The following KCMF1 variants were observed in gnomAD, a reference collection of about 807,000 sequenced individuals.
The protein encoded by KCMF1 is E3 ubiquitin-protein ligase KCMF1.
A neutral mutation model predicts 41.1 loss-of-function variants in KCMF1; 3 were observed. The ratio of observed to expected loss-of-function variants is 0.07; its 90% CI spans 0.03 to 0.19. The LOEUF is 0.19. Among genes scored for constraint, KCMF1 ranks in the 10% least tolerant of loss-of-function variants. The pLI is 1.00. For missense variants in KCMF1, 286 were observed against 488.9 expected, an observed-to-expected ratio of 0.58 and a Z score of 3.91; for synonymous variants, 142 against 164.5, an observed-to-expected ratio of 0.86 and a Z score of 1.04.
chr2:84,984,621 G>T (rs1673852580), intron 1 of KCMF1, among the ~76,000 whole-genome samples: 1 of 152,020 alleles, frequency 6.6e-6, no homozygotes, highest in Non-Finnish European at 1.5e-5. Context: ...AGGAGTTCGA[G>T]ACCAGCCTGA....
intron 1 of KCMF1, among the ~76,000 whole-genome samples, chr2:84,995,225 T>C (rs1257575264): frequency 6.6e-6 from 1 of 152,054 alleles, no homozygotes; most frequent in Non-Finnish European, 1.5e-5. Context: ...TTTCACCATG[T>C]TGGTCAGGCT....
intron 1 of KCMF1, among the ~76,000 whole-genome samples, chr2:85,023,136 C>T (rs1170715933): frequency 2.6e-5 from 4 of 151,852 alleles, no homozygotes; most frequent in Non-Finnish European, 4.4e-5. Context: ...AGCCGCCCGC[C>T]TCGGCCTCCC....
At chr2:84,980,225 T>A (rs1459391483) in intron 1 of KCMF1, among the ~76,000 whole-genome samples, 1 of 152,098 alleles carries the variant, frequency 6.6e-6, no homozygotes, top group Non-Finnish European at 1.5e-5. Flanking sequence ...CTAGATTACA[T>A]GAGAAGGAAG....
rs1675881053 is a variant in KCMF1, at chr2:85,054,367, C to A, written c.*958C>A. On this transcript the variant is annotated 3_prime_UTR_variant, in exon 7 of 7. Coordinates refer to ENST00000409785, the MANE Select transcript of KCMF1 (RefSeq NM_020122.5). ...ATTTATGTATTTGCTTTGTAGTTTG[C>A]TGAGACAGATCAGTATCAGGGGAGC... 6.6e-6 allele frequency: 1 copy of A among 152,094 alleles called. No homozygotes were observed. Among genetic ancestry groups the A allele is most frequent in the Admixed American group, 6.6e-5 (1 of 15,264 alleles). 9.4% of individuals were successfully genotyped at this position (152,094 alleles called of 1,614,324 possible).
At chr2:85,053,090 C>T (rs1253676003) in intron 6 of KCMF1, 58 bp from the exon 7 acceptor site, 5 of 1,479,526 alleles carry the variant, frequency 3.4e-6, no homozygotes, top group African/African-American at 2.8e-5. Context: ...TAGAAATTGG[C>T]CATGCCATTG....
intron 3 of KCMF1, among the ~76,000 whole-genome samples, chr2:85,043,097 C>T (rs995703415): frequency 2.0e-4 from 31 of 152,186 alleles, no homozygotes; most frequent in African/African-American, 7.5e-4. Context: ...GTCTTACATT[C>T]AACATGTCTG....
chr2:85,005,078 T>A (rs1558571946), intron 1 of KCMF1, among the ~76,000 whole-genome samples: 1 of 152,106 alleles, frequency 6.6e-6, no homozygotes, highest in Non-Finnish European at 1.5e-5. Context: ...AGCTAATTTC[T>A]GTATTTTTAG....
intron 3 of KCMF1, 130 bp downstream of exon 3, chr2:85,035,285 TC>T: frequency 1.1e-6 from 1 of 879,664 alleles, no homozygotes; most frequent in Non-Finnish European, 1.6e-6. Flanking sequence ...GTTATTAAAA[TC>T]ATCTTTTAAC....
intron 1 of KCMF1, among the ~76,000 whole-genome samples, chr2:84,985,876 T>C (rs769406345): frequency 6.6e-6 from 1 of 151,924 alleles, no homozygotes; most frequent in African/African-American, 2.4e-5. Context: ...CTACATACAT[T>C]AGCAGCTCTC....
chr2:85,049,117 G>T (rs1248300683), intron 5 of KCMF1, among the ~76,000 whole-genome samples: 1 of 152,152 alleles, frequency 6.6e-6, no homozygotes, highest in African/African-American at 2.4e-5. Flanking sequence ...TAATTTTAAA[G>T]ACAATTTAAG....
chr2:85,026,322 A>T (rs1037946689), intron 1 of KCMF1, among the ~76,000 whole-genome samples: 3 of 151,560 alleles, frequency 2.0e-5, no homozygotes, highest in African/African-American at 7.3e-5. Context: ...AAACAAATAC[A>T]AATGAGATCT....
intron 1 of KCMF1, among the ~76,000 whole-genome samples, chr2:85,022,233 A>G (rs1466210925): frequency 6.6e-6 from 1 of 152,032 alleles, no homozygotes; most frequent in Non-Finnish European, 1.5e-5. Flanking sequence ...GTGCTTTGGG[A>G]GGCTGACACA....
At position 85,014,322 on chromosome 2, in the gene KCMF1, G is replaced by T. The variant is rs74709836; in HGVS notation, c.17-13567G>T. 1.1e-4 allele frequency among the ~76,000 whole-genome samples: 17 copies of T among 152,244 alleles called. 1 individual carries two copies. In the East Asian group the frequency reaches 2.7e-3, roughly 24 times the overall value. On this transcript the variant is annotated intron_variant, in intron 1 of 6. Coordinates refer to ENST00000409785, the MANE Select transcript of KCMF1 (RefSeq NM_020122.5). ...ATATCTCCGTATCATAATAAATAAA[G>T]TTCTGAAGGCATCTACTTCTGGGGA...
intron 1 of KCMF1, among the ~76,000 whole-genome samples, chr2:84,999,856 G>A (rs570082370): frequency 6.6e-6 from 1 of 152,100 alleles, no homozygotes; most frequent in Non-Finnish European, 1.5e-5. Context: ...TAGAGGCCCT[G>A]ACAGGAGACA....
At chr2:85,046,815 T>C (rs942152371) in intron 5 of KCMF1, among the ~76,000 whole-genome samples, 3 of 152,238 alleles carry the variant, frequency 2.0e-5, no homozygotes, top group African/African-American at 7.2e-5. Context: ...CCCCCCGTCA[T>C]GTGGTTTTGC....
intron 1 of KCMF1, among the ~76,000 whole-genome samples, chr2:84,980,892 C>T (rs903419968): frequency 3.9e-5 from 6 of 152,078 alleles, no homozygotes; most frequent in Non-Finnish European, 7.3e-5. Context: ...CCTCTTGCCT[C>T]GGCCTCACAA....
intron 4 of KCMF1, 111 bp downstream of exon 4, chr2:85,043,776 C>A: frequency 1.3e-6 from 1 of 749,340 alleles, no homozygotes; most frequent in Middle Eastern, 2.5e-4. Flanking sequence ...TCTCAAACTC[C>A]TGAGCTCAAG....
At chr2:85,013,223 G>C (rs1034977978) in intron 1 of KCMF1, among the ~76,000 whole-genome samples, 1 of 152,142 alleles carries the variant, frequency 6.6e-6, no homozygotes, top group Non-Finnish European at 1.5e-5. Flanking sequence ...TACTGCAAGT[G>C]CTCAAAAATT....
In KCMF1 at chr2:85,053,206, G is replaced by C. The variant is rs1231631241; in HGVS notation, c.943G>C (p.Asp315His). 2 of 1,613,842 alleles carry C rather than the reference G, an allele frequency of 1.2e-6. No homozygotes were observed. The highest frequency in any genetic ancestry group is 2.7e-5 in the African/African-American group (2 of 74,916). Reference sequence around the variant, plus strand: ...CCAGTCCATGGAAAGCGAGCGTGCAGACCGCAGCCTGTTTGTCCAAGAGCT... The same window carrying C: ...CCAGTCCATGGAAAGCGAGCGTGCACACCGCAGCCTGTTTGTCCAAGAGCT... ...ERQSMESERA[D>H]RSLFVQELLL... The change falls in exon 7 of 7, where the codon GAC becomes CAC. Residue 315 changes from aspartate to histidine, a missense_variant. By Grantham distance (81) the Asp-to-His change is moderately conservative. Coordinates refer to ENST00000409785, the MANE Select transcript of KCMF1 (RefSeq NM_020122.5).
Sources: gnomAD v4.1 joint callset for allele counts (sites outside exome capture counted in the v4.1 genomes callset) on GRCh38, gnomAD v4.1.1 for gene constraint, MANE v1.5 for transcripts, NCBI Gene and HGNC (gene_info 2026-07-23, HGNC 2026-07-21) for gene names.